The following C8orf34 variants were observed in gnomAD, a reference collection of about 807,000 sequenced individuals.
C8orf34 encodes the protein chromosome 8 open reading frame 34.
In C8orf34, 65 loss-of-function variants were observed where a neutral mutation model predicts 68.3. That is an observed-to-expected ratio of 0.95 (90% CI 0.78 to 1.17). The LOEUF (loss-of-function observed/expected upper bound fraction) is 1.17. C8orf34 is among the 50% of genes most tolerant of loss of function. The pLI is 0.00. For synonymous variants in C8orf34, 244 were observed against 241.2 expected (o/e 1.01, Z -0.11); for missense variants, 664 against 655.4 (o/e 1.01, Z -0.14).
intron 7 of C8orf34, among the ~76,000 whole-genome samples, chr8:68,538,237 T>C (rs1815560834): frequency 6.6e-6 from 1 of 152,192 alleles, no homozygotes; most frequent in Non-Finnish European, 1.5e-5. Flanking sequence ...GAGTACCTTG[T>C]AAAGGCATGA....
At chr8:68,369,016 T>C (rs1434537860) in intron 1 of C8orf34, among the ~76,000 whole-genome samples, 1 of 152,220 alleles carries the variant, frequency 6.6e-6, no homozygotes, top group Non-Finnish European at 1.5e-5. Context: ...AATGCAAGGA[T>C]TTTAGAGCGC....
At chr8:68,370,171 C>T (rs1403657141) in intron 1 of C8orf34, among the ~76,000 whole-genome samples, 2 of 152,144 alleles carry the variant, frequency 1.3e-5, no homozygotes, top group Admixed American at 1.3e-4. Flanking sequence ...GCCTACCAGA[C>T]CTAGCTTTTT....
intron 1 of C8orf34, 87 bp downstream of exon 1, chr8:68,331,426 C>T: frequency 1.4e-6 from 2 of 1,389,250 alleles, no homozygotes; most frequent in Non-Finnish European, 2.0e-6. Flanking sequence ...TCCCACCCCT[C>T]CCAGGGAAGG....
intron 8 of C8orf34, among the ~76,000 whole-genome samples, chr8:68,682,896 T>C (rs1336230806): frequency 1.3e-5 from 2 of 152,154 alleles, no homozygotes; most frequent in South Asian, 2.1e-4. Context: ...TACATTTCGA[T>C]TGAGTTTTTA....
intron 8 of C8orf34, among the ~76,000 whole-genome samples, chr8:68,644,791 G>T (rs1011798818): frequency 2.0e-5 from 3 of 152,166 alleles, no homozygotes; most frequent in Non-Finnish European, 2.9e-5. Flanking sequence ...GACAGAGTGA[G>T]CCAGTCAGAA....
At chr8:68,343,979 G>A (rs954760012) in intron 1 of C8orf34, among the ~76,000 whole-genome samples, 2 of 151,994 alleles carry the variant, frequency 1.3e-5, no homozygotes, top group Non-Finnish European at 2.9e-5. Context: ...TGCCTGTCTC[G>A]GCCTCCCAAA....
intron 7 of C8orf34, among the ~76,000 whole-genome samples, chr8:68,614,254 A>T (rs74673336): frequency 0.65 from 98,130 of 151,436 alleles, 32,276 homozygotes; most frequent in African/African-American, 0.75. Context: ...GTTCACTCTG[A>T]TGGTAGTTTC....
At chr8:68,615,350 G>T (rs760906007) in intron 7 of C8orf34, among the ~76,000 whole-genome samples, 7,661 of 149,006 alleles carry the variant, frequency 0.051, 272 homozygotes, top group African/African-American at 0.12. Context: ...GTGAGAGAGG[G>T]CATCCCTGTC....
intron 12 of C8orf34, chr8:68,790,836 G>A (rs1300337025): frequency 1.4e-6 from 1 of 701,460 alleles, no homozygotes; most frequent in Admixed American, 2.0e-5. Context: ...CAGAATCTCT[G>A]TGGCTGGGAC....
At chr8:68,589,538 G>T (rs940463987) in intron 7 of C8orf34, among the ~76,000 whole-genome samples, 1 of 146,840 alleles carries the variant, frequency 6.8e-6, no homozygotes, top group Non-Finnish European at 1.5e-5. Context: ...AGAAAGAAGA[G>T]AAAGGAAAGG....
At chr8:68,535,047 T>C in intron 7 of C8orf34, 1 of 985,468 alleles carries the variant, frequency 1.0e-6, no homozygotes, top group Non-Finnish European at 1.2e-6. Flanking sequence ...AATGTTGGTC[T>C]CTAGGTCATG....
chr8:68,717,679 T>C (rs1321702955), intron 9 of C8orf34, among the ~76,000 whole-genome samples: 1 of 152,102 alleles, frequency 6.6e-6, no homozygotes, highest in Admixed American at 6.6e-5. Flanking sequence ...TCATATATAC[T>C]AATAGATGTG....
Position 68,380,391 on chromosome 8 carries a change from C to G in C8orf34, c.327+49052C>G, listed in dbSNP as rs77158016. ...GAATAAAAGAGGCTTGAAGAGAAACCTAGCATTTAATTATGCTTAATTGTC... is the reference window on the plus strand; with the variant it reads ...GAATAAAAGAGGCTTGAAGAGAAACGTAGCATTTAATTATGCTTAATTGTC... On this transcript the variant is annotated intron_variant, in intron 1 of 13. Transcript: ENST00000518698. Among the ~76,000 whole-genome samples, 195 of 152,296 alleles carry G rather than the reference C, an allele frequency of 1.3e-3. 2 individuals carry two copies. In the East Asian group the frequency reaches 0.036, roughly 28 times the overall value.
At chr8:68,799,946 G>T (rs1006773622) in intron 12 of C8orf34, among the ~76,000 whole-genome samples, 1 of 152,146 alleles carries the variant, frequency 6.6e-6, no homozygotes, top group African/African-American at 2.4e-5. Context: ...CCACAGCATG[G>T]GCAAGGACAC....
chr8:68,424,902 A>AAAT (rs898587113), intron 1 of C8orf34, among the ~76,000 whole-genome samples: 8 of 151,990 alleles, frequency 5.3e-5, no homozygotes, highest in Admixed American at 3.3e-4. Context: ...TCCATCCCAA[A>AAAT]AATAATAATA....
At chr8:68,497,467 T>G (rs923442431) in intron 5 of C8orf34, among the ~76,000 whole-genome samples, 3 of 152,290 alleles carry the variant, frequency 2.0e-5, no homozygotes, top group African/African-American at 7.2e-5. Context: ...TCTAGTACAT[T>G]ATATGTGCAA....
intron 1 of C8orf34, among the ~76,000 whole-genome samples, chr8:68,404,820 T>A (rs554697362): frequency 6.6e-6 from 1 of 152,312 alleles, no homozygotes; most frequent in South Asian, 2.1e-4. Context: ...TGCCTCCAGC[T>A]TTGTTCTTTT....
intron 3 of C8orf34, chr8:68,447,061 G>T: frequency 6.5e-6 from 1 of 153,508 alleles, no homozygotes; most frequent in South Asian, 1.9e-4. Flanking sequence ...CAAGAAGCAT[G>T]ACACTAGCAT....
At chr8:68,747,708 G>A (rs1339591979) in intron 10 of C8orf34, among the ~76,000 whole-genome samples, 6 of 152,024 alleles carry the variant, frequency 3.9e-5, no homozygotes, top group African/African-American at 9.6e-5. Context: ...AAGGAGAACT[G>A]CAAACCACTG....
Sources: gnomAD v4.1 joint callset for allele counts (sites outside exome capture counted in the v4.1 genomes callset) on GRCh38, gnomAD v4.1.1 for gene constraint, MANE v1.5 for transcripts, NCBI Gene and HGNC (gene_info 2026-07-23, HGNC 2026-07-21) for gene names.